FAM168A: variants seen among roughly 807,000 people sequenced by gnomAD.
FAM168A encodes the protein protein FAM168A.
In FAM168A, 3 loss-of-function variants were observed where a neutral mutation model predicts 28.5. The observed-to-expected ratio is 0.11, with a 90% CI of 0.05 to 0.27. FAM168A has a LOEUF of 0.27. Among genes scored for constraint, FAM168A ranks in the 10% least tolerant of loss-of-function variants. The pLI is 1.00. For synonymous variants in FAM168A, 122 were observed against 124.2 expected, an observed-to-expected ratio of 0.98 and a Z score of 0.12; for missense variants, 222 against 311.5, an observed-to-expected ratio of 0.71 and a Z score of 2.16.
At chr11:73,407,933 G>A (rs1266941279) in intron 6 of FAM168A, among the ~76,000 whole-genome samples, 6 of 152,164 alleles carry the variant, frequency 3.9e-5, no homozygotes, top group African/African-American at 7.2e-5. Context: ...GTGCAATGGC[G>A]CGATCTCAGC....
Position 73,411,446 on chromosome 11 carries a change from G to C in FAM168A, c.368C>G (p.Thr123Arg). 6.2e-7 allele frequency: 1 copy of C among 1,613,246 alleles called. No individual in the cohort carries two copies. The highest frequency in any genetic ancestry group is 8.5e-7 in the Non-Finnish European group (1 of 1,179,622). ...GGCACTTCTGATTGGATACATGGCC[G>C]TCTGATAGGGGTTGGGTGATGGGGA... is the stretch of plus-strand genomic sequence containing the variant. ...PYSPSPNPYQ[T>R]AMYPIRSAYP... is the part of the protein sequence containing the mutation. The change falls in exon 5 of 8, where the codon ACG becomes AGG. Residue 123 changes from threonine to arginine, a missense_variant. Physicochemically the swap from Thr to Arg is moderately conservative, Grantham distance 71. This residue lies in a region of FAM168A where 153 missense variants were observed against 189.2 expected (regional missense o/e 0.81). Transcript: ENST00000356467.
intron 1 of FAM168A, among the ~76,000 whole-genome samples, chr11:73,564,099 G>T (rs956569608): frequency 3.9e-5 from 6 of 152,180 alleles, no homozygotes; most frequent in Admixed American, 6.5e-5. Context: ...CTTGGAGAAG[G>T]TCTTCTATAG....
At chr11:73,503,771 C>T (rs1369776418) in intron 1 of FAM168A, among the ~76,000 whole-genome samples, 1 of 152,196 alleles carries the variant, frequency 6.6e-6, no homozygotes, top group Non-Finnish European at 1.5e-5. Flanking sequence ...TACAAGGCTA[C>T]AGTAACCAAA....
At chr11:73,511,971 C>T (rs1257596284) in intron 1 of FAM168A, among the ~76,000 whole-genome samples, 1 of 152,132 alleles carries the variant, frequency 6.6e-6, no homozygotes, top group Non-Finnish European at 1.5e-5. Flanking sequence ...TCTTTACATA[C>T]TCTTTATCTG....
chr11:73,463,694 T>C (rs1325736512), intron 2 of FAM168A, among the ~76,000 whole-genome samples: 2 of 152,014 alleles, frequency 1.3e-5, no homozygotes, highest in Admixed American at 1.3e-4. Context: ...CAGGAACAGC[T>C]GGAGAAGAAG....
chr11:73,485,990 A>G (rs557319673), intron 1 of FAM168A, among the ~76,000 whole-genome samples: 3 of 152,332 alleles, frequency 2.0e-5, no homozygotes, highest in African/African-American at 7.2e-5. Context: ...GGAGGACTAC[A>G]TGTGTATCTC....
At chr11:73,502,217 G>A (rs1289191666) in intron 1 of FAM168A, among the ~76,000 whole-genome samples, 1 of 151,320 alleles carries the variant, frequency 6.6e-6, no homozygotes, top group Non-Finnish European at 1.5e-5. Context: ...TCCAGGAGCT[G>A]GTTTTCTGAA....
chr11:73,473,916 C>T (rs1867851062), intron 1 of FAM168A, among the ~76,000 whole-genome samples: 1 of 151,752 alleles, frequency 6.6e-6, no homozygotes, highest in South Asian at 2.1e-4. Flanking sequence ...CAGGTTCAAG[C>T]AATCTGCCTC....
Position 73,545,015 on chromosome 11 carries a change from TATAGTA to T in FAM168A, c.-19+52902_-19+52907del, listed in dbSNP as rs1341356285. Among the ~76,000 whole-genome samples, 41 of 89,958 alleles carry T rather than the reference TATAGTA, an allele frequency of 4.6e-4. 5 individuals are homozygous for T. The highest frequency in any genetic ancestry group is 2.4e-3 in the African/African-American group (33 of 13,890). 59.0% of individuals were successfully genotyped at this position (89,958 alleles called of 152,430 possible). On this transcript the variant is annotated intron_variant, in intron 1 of 7. Coordinates refer to ENST00000356467, the MANE Select transcript of FAM168A (RefSeq NM_015159.3). ...TATAGTATATATAATATACTATATA[TATAGTA>T]TATATAATATATATATATTTTTTGG...
chr11:73,458,897 A>C (rs2134560089), intron 2 of FAM168A, among the ~76,000 whole-genome samples: 1 of 152,334 alleles, frequency 6.6e-6, no homozygotes, highest in South Asian at 2.1e-4. Flanking sequence ...GGCGTGAGCC[A>C]CTGCACCCAG....
At chr11:73,570,784 T>A (rs868397023) in intron 1 of FAM168A, among the ~76,000 whole-genome samples, 2 of 151,108 alleles carry the variant, frequency 1.3e-5, no homozygotes, top group Non-Finnish European at 3.0e-5. Flanking sequence ...TTAAGTATCA[T>A]AAAAATACCT....
At chr11:73,497,251 G>C (rs1283401474) in intron 1 of FAM168A, among the ~76,000 whole-genome samples, 10 of 152,018 alleles carry the variant, frequency 6.6e-5, no homozygotes, top group Non-Finnish European at 1.5e-4. Context: ...CAGATCACGA[G>C]GTCAGGAGAT....
chr11:73,420,638 CT>C (rs1866775602), intron 3 of FAM168A, among the ~76,000 whole-genome samples: 2 of 152,248 alleles, frequency 1.3e-5, no homozygotes, highest in Admixed American at 1.3e-4. Context: ...AGACATACTT[CT>C]TGCATACCCC....
chr11:73,542,167 A>C (rs1288994150), intron 1 of FAM168A, among the ~76,000 whole-genome samples: 2 of 152,342 alleles, frequency 1.3e-5, no homozygotes, highest in East Asian at 3.9e-4. Context: ...CCATGGCTTT[A>C]TATATGCTAA....
At chr11:73,575,250 G>A (rs1944157763) in intron 1 of FAM168A, among the ~76,000 whole-genome samples, 1 of 152,112 alleles carries the variant, frequency 6.6e-6, no homozygotes, top group Non-Finnish European at 1.5e-5. Flanking sequence ...ATTTTGGTGA[G>A]ATAATCAAAA....
chr11:73,496,924 C>A (rs1565271172), intron 1 of FAM168A, among the ~76,000 whole-genome samples: 1 of 152,008 alleles, frequency 6.6e-6, no homozygotes, highest in Non-Finnish European at 1.5e-5. Flanking sequence ...CACGCACACA[C>A]ACACACAGTT....
intron 1 of FAM168A, among the ~76,000 whole-genome samples, chr11:73,526,975 G>C (rs1943455369): frequency 6.6e-6 from 1 of 151,136 alleles, no homozygotes; most frequent in African/African-American, 2.4e-5. Context: ...GTAGATCACA[G>C]GTTAGCTTTG....
chr11:73,431,555 G>A (rs183412104), intron 2 of FAM168A, among the ~76,000 whole-genome samples: 36 of 152,158 alleles, frequency 2.4e-4, no homozygotes, highest in African/African-American at 8.7e-4. Flanking sequence ...CAACGGGCTC[G>A]AAGGGGTTGG....
chr11:73,504,726 G>A (rs556291439), intron 1 of FAM168A, among the ~76,000 whole-genome samples: 38 of 152,194 alleles, frequency 2.5e-4, no homozygotes, highest in African/African-American at 9.1e-4. Context: ...CAGCACTACT[G>A]TTACAATAGC....
Sources: allele counts gnomAD v4.1 joint callset (sites outside exome capture counted in the v4.1 genomes callset), GRCh38; gene constraint gnomAD v4.1.1; regional missense constraint gnomAD v4.1.1; transcripts MANE v1.5; gene names NCBI Gene and HGNC (gene_info 2026-07-23, HGNC 2026-07-21).